The following IL13RA2 variants were observed in gnomAD, a reference collection of about 807,000 sequenced individuals.
IL13RA2 encodes interleukin 13 receptor subunit alpha 2, also known as interleukin-13 receptor subunit alpha-2.
IL13RA2 carries 25 observed loss-of-function variants against 34.1 expected under a neutral mutation model. That is an observed-to-expected ratio of 0.73 (90% CI 0.53 to 1.03). IL13RA2 has a LOEUF of 1.03. Ranked by LOEUF, IL13RA2 falls within the 50% of genes least tolerant of loss-of-function variation. The probability of loss-of-function intolerance (pLI) is 0.00; values close to 1 mark genes in which losing one functional copy is unlikely to be tolerated. For synonymous variants in IL13RA2, 106 were observed against 100.4 expected (o/e 1.06, Z -0.33); for missense variants, 297 against 280.9 (o/e 1.06, Z -0.41).
At chrX:115,004,442 A>C (rs997869156) in intron 9 of IL13RA2, among the ~76,000 whole-genome samples, 1 of 103,205 alleles carries the variant, frequency 9.7e-6, no homozygotes, top group African/African-American at 3.5e-5. Flanking sequence ...TAATGTTTAA[A>C]TTTTTTATAG....
At chrX:115,013,922 G>T in intron 4 of IL13RA2, 33 bp from the exon 5 acceptor site, 1 of 969,476 alleles carries the variant, frequency 1.0e-6, no homozygotes, top group Non-Finnish European at 1.5e-6. Flanking sequence ...ATGTTTGAAA[G>T]GCTTGGTGAT....
At chrX:115,014,147 C>T (rs1602976925) in intron 4 of IL13RA2, among the ~76,000 whole-genome samples, 1 of 111,790 alleles carries the variant, frequency 8.9e-6, no homozygotes, top group African/African-American at 3.2e-5. Flanking sequence ...TTCTAGGATG[C>T]TCTGAGCAGA....
chrX:115,013,749 C>G lies in IL13RA2; in HGVS notation c.521+20G>C, dbSNP rs1556509129. 3 of 905,885 alleles carry G rather than the reference C, an allele frequency of 3.3e-6. No homozygotes were observed. The highest frequency in any genetic ancestry group is 4.7e-6 in the Non-Finnish European group (3 of 632,980). The allele number at this position is 905,885 out of a possible 1,213,427, so 74.7% of individuals were successfully genotyped here. On this transcript the variant is annotated intron_variant, in intron 5 of 9. Coordinates refer to ENST00000243213, the MANE Select transcript of IL13RA2 (RefSeq NM_000640.3). Reference sequence around the variant, plus strand: ...AGTAGACATTTTTTAATATGGAATTCTAATTATAAAAATACTTACCAGTAA... The same window carrying G: ...AGTAGACATTTTTTAATATGGAATTGTAATTATAAAAATACTTACCAGTAA...
At position 115,004,091 on chromosome X, in the gene IL13RA2, A is replaced by G. The variant is rs781849237; in HGVS notation, c.1132T>C (p.Cys378Arg). The G allele has an allele frequency of 1.9e-6, 2 of 1,063,937 alleles. No homozygotes were observed. Among genetic ancestry groups the G allele is most frequent in the East Asian group, 6.1e-5 (2 of 32,803 alleles). 87.7% of individuals were successfully genotyped at this position (1,063,937 alleles called of 1,213,427 possible). Residue 378 changes from cysteine to arginine, a missense_variant, in exon 10 of 10, where the codon TGT becomes CGT. Coordinates refer to ENST00000243213, the MANE Select transcript of IL13RA2 (RefSeq NM_000640.3). ...GATATGGAAAGTCTTCATGTATCAC[A>G]GAAAAATTCTGGAATCTAGAAAGAA... ...TYPKMIPEFF[C>R]DT
At chrX:115,014,380 T>C in intron 4 of IL13RA2, 41 bp downstream of exon 4, 1 of 1,022,052 alleles carries the variant, frequency 9.8e-7, no homozygotes, top group East Asian at 3.1e-5. Flanking sequence ...AAATGAATTG[T>C]TCTGATAGTA....
At chrX:115,013,113 T>C (rs1396753081) in intron 5 of IL13RA2, among the ~76,000 whole-genome samples, 1 of 110,285 alleles carries the variant, frequency 9.1e-6, no homozygotes, top group African/African-American at 3.3e-5. Flanking sequence ...AATGGCAATA[T>C]AGGAAGATAA....
chrX:115,014,505 G>GT lies in IL13RA2; in HGVS notation c.315dup (p.His106ThrfsTer34). Reference sequence around the variant, plus strand: ...GTGCATTGCCATGGTAAAAGCGTGTGTATCTTCGCTTCAATGCCCTTGTTA... The same window carrying GT: ...GTGCATTGCCATGGTAAAAGCGTGTGTTATCTTCGCTTCAATGCCCTTGTTA... On this transcript the variant is annotated frameshift_variant, in exon 4 of 10. Transcript: ENST00000243213. LOFTEE classifies it high-confidence loss of function. 1 of 1,188,348 alleles carries GT rather than the reference G, an allele frequency of 8.4e-7. No individual in the cohort carries two copies. Among genetic ancestry groups the GT allele is most frequent in the Non-Finnish European group, 1.1e-6 (1 of 876,074 alleles).
intron 6 of IL13RA2, 88 bp downstream of exon 6, chrX:115,010,556 C>A: frequency 2.2e-6 from 1 of 455,960 alleles, no homozygotes; most frequent in South Asian, 4.8e-5. Flanking sequence ...TCCTTCCTCC[C>A]CTTTTTCTCT....
chrX:115,008,793 T>A (rs782372460), intron 7 of IL13RA2, among the ~76,000 whole-genome samples: 15 of 111,986 alleles, frequency 1.3e-4, no homozygotes, highest in Non-Finnish European at 2.3e-4. Context: ...TTGGCATAAC[T>A]TATCTTAGGA....
intron 2 of IL13RA2, 139 bp downstream of exon 2, chrX:115,017,037 A>G (rs1480234945): frequency 2.0e-5 from 9 of 440,104 alleles, no homozygotes; most frequent in African/African-American, 7.6e-5. Context: ...AACTTCCTGA[A>G]ATAGTTTCAA....
At position 115,014,466 on chromosome X, in the gene IL13RA2, C is replaced by T. The variant is rs1556509392; in HGVS notation, c.355G>A (p.Val119Ile). ...LPWQCTNGSE[V>I]QSSWAETTYW... ...GTAGTTTCTGCCCAGGAACTTTGAACTTCTGATCCATTTGTGCATTGCCAT... is the reference window on the plus strand; with the variant it reads ...GTAGTTTCTGCCCAGGAACTTTGAATTTCTGATCCATTTGTGCATTGCCAT... Residue 119 changes from valine to isoleucine, a missense_variant, in exon 4 of 10, where the codon GTT becomes ATT. Transcript: ENST00000243213. 8.4e-7 allele frequency: 1 copy of T among 1,194,709 alleles called. No homozygotes were observed. Among genetic ancestry groups the T allele is most frequent in the Admixed American group, 2.2e-5 (1 of 45,917 alleles).
At chrX:115,005,672 C>G (rs1461696421) in intron 8 of IL13RA2, among the ~76,000 whole-genome samples, 3 of 111,937 alleles carry the variant, frequency 2.7e-5, no homozygotes, top group Non-Finnish European at 5.6e-5. Context: ...TCCTGTGTGT[C>G]TGTCTCTTAA....
chrX:115,013,711 A>G (rs2071715265), intron 5 of IL13RA2, 58 bp downstream of exon 5: 5 of 629,060 alleles, frequency 7.9e-6, no homozygotes, highest in Non-Finnish European at 1.3e-5. Context: ...TACTCATACT[A>G]TCGACTAACT....
chrX:115,009,425 C>T, intron 7 of IL13RA2, 96 bp downstream of exon 7: 1 of 645,343 alleles, frequency 1.5e-6, no homozygotes, highest in Non-Finnish European at 2.5e-6. Context: ...CATGTTCTGT[C>T]CCTCACGTGG....
intron 8 of IL13RA2, among the ~76,000 whole-genome samples, chrX:115,006,141 C>T (rs781845388): frequency 8.9e-6 from 1 of 111,927 alleles, no homozygotes; most frequent in African/African-American, 3.2e-5. Flanking sequence ...GAATATAATC[C>T]AGAGAAATTA....
Position 115,008,030 on chromosome X carries a change from T to C in IL13RA2, c.899A>G (p.Glu300Gly), listed in dbSNP as rs1569507204. The C allele has an allele frequency of 8.7e-7, 1 of 1,148,200 alleles. No homozygotes were observed. The highest frequency in any genetic ancestry group is 1.8e-5 in the African/African-American group (1 of 56,498). 94.6% of individuals were successfully genotyped at this position (1,148,200 alleles called of 1,213,427 possible). A position where few individuals can be genotyped will look rare whatever the true frequency, so the allele number is the denominator to read the frequency against. Reference sequence around the variant, plus strand: ...TACTACAAAGCATAATTGTCGGGTTTCATTTGTTGTTTTCAAGGTGTATGT... The same window carrying C: ...TACTACAAAGCATAATTGTCGGGTTCCATTTGTTGTTTTCAAGGTGTATGT... ...NETYTLKTTNETRQLCFVVRS... is the reference protein window; with the variant it reads ...NETYTLKTTNGTRQLCFVVRS... Residue 300 changes from glutamate (E) to glycine (G), a missense_variant, in exon 8 of 10, where the codon GAA becomes GGA. Transcript: ENST00000243213.
chrX:115,017,345 A>G, intron 1 of IL13RA2, 43 bp from the exon 2 acceptor site: 1 of 573,762 alleles, frequency 1.7e-6, no homozygotes, highest in Non-Finnish European at 3.0e-6. Flanking sequence ...TCTTACATCA[A>G]ATAATCAAAC....
rs1248265122 is a variant in IL13RA2, at chrX:115,017,275, C to A, written c.-6G>T. ...GCCAAGCAAACGAAAGCCATTTCTC[C>A]GAGATTTAAAACCTTGATATTGCCT... On this transcript the variant is annotated 5_prime_UTR_variant, in exon 2 of 10. Transcript: ENST00000243213. 4 of 814,870 alleles carry A rather than the reference C, an allele frequency of 4.9e-6. No homozygotes were observed. Among genetic ancestry groups the A allele is most frequent in the Non-Finnish European group, 7.4e-6 (4 of 539,069 alleles). The allele number at this position is 814,870 out of a possible 1,213,427, so 67.2% of individuals were successfully genotyped here.
chrX:115,009,548 C>A lies in IL13RA2; in HGVS notation c.825G>T (p.Glu275Asp), dbSNP rs1556508435. The stretch of plus-strand genomic sequence containing the variant: ...CCAAGGTAGTATCATCTTCTCTGAT[C>A]TCAATTTCATAATCAAAACACCTTG... Reference protein sequence around the residue: ...IPARCFDYEIEIREDDTTLVT... With the variant: ...IPARCFDYEIDIREDDTTLVT... Residue 275 changes from glutamate (E) to aspartate (D), a missense_variant, in exon 7 of 10, where the codon GAG becomes GAT. Transcript: ENST00000243213. 8.3e-7 allele frequency: 1 copy of A among 1,200,207 alleles called. No homozygotes were observed. The highest frequency in any genetic ancestry group is 1.1e-6 in the Non-Finnish European group (1 of 885,358).
Sources: gnomAD v4.1 joint callset for allele counts (sites outside exome capture counted in the v4.1 genomes callset) on GRCh38, gnomAD v4.1.1 for gene constraint, MANE v1.5 for transcripts, NCBI Gene and HGNC (gene_info 2026-07-23, HGNC 2026-07-21) for gene names.